The following STIM2 variants were observed in gnomAD, a reference collection of about 807,000 sequenced individuals.
STIM2 encodes the protein stromal interaction molecule 2.
Under a neutral mutation model 85.8 loss-of-function variants are expected in STIM2, and 31 were observed. That is an observed-to-expected ratio of 0.36 (90% CI 0.27 to 0.49). The LOEUF is 0.49. Among genes scored for constraint, STIM2 ranks in the 20% least tolerant of loss-of-function variants. The pLI is 0.98. For synonymous variants in STIM2, 356 were observed against 331.1 expected (o/e 1.08, Z -0.82); for missense variants, 841 against 927.6 (o/e 0.91, Z 1.21).
intron 3 of STIM2, among the ~76,000 whole-genome samples, chr4:26,980,989 G>T (rs1560228603): frequency 6.6e-6 from 1 of 152,244 alleles, no homozygotes; most frequent in South Asian, 2.1e-4. Flanking sequence ...TGAATATCCA[G>T]CAACAAGTAA....
intron 1 of STIM2, among the ~76,000 whole-genome samples, chr4:26,908,170 G>T (rs1724199211): frequency 6.6e-6 from 1 of 152,156 alleles, no homozygotes; most frequent in African/African-American, 2.4e-5. Context: ...ATACTTCTGG[G>T]AAGTGATAGC....
chr4:26,997,430 A>G (rs769752709), intron 4 of STIM2, among the ~76,000 whole-genome samples: 1 of 152,178 alleles, frequency 6.6e-6, no homozygotes, highest in Non-Finnish European at 1.5e-5. Context: ...ACTGCCAAAC[A>G]TTATACTAAG....
At chr4:26,936,291 C>A (rs1725389445) in intron 2 of STIM2, among the ~76,000 whole-genome samples, 1 of 152,158 alleles carries the variant, frequency 6.6e-6, no homozygotes, top group South Asian at 2.1e-4. Context: ...TCTTCTCTGT[C>A]TCTTGCTTTT....
At position 26,861,306 on chromosome 4, in the gene STIM2, T is replaced by A; in HGVS notation, c.88T>A (p.Ser30Thr). 9.8e-6 allele frequency: 14 copies of A among 1,431,776 alleles called. No individual in the cohort carries two copies. Among genetic ancestry groups the A allele is most frequent in the African/African-American group, 1.5e-5 (1 of 67,342 alleles). 88.7% of individuals were successfully genotyped at this position (1,431,776 alleles called of 1,614,324 possible). Residue 30 changes from serine (S) to threonine (T), a missense_variant, in exon 1 of 12, where the codon TCT (serine) becomes ACT (threonine). Transcript: ENST00000467087. Reference sequence around the variant, plus strand: ...CCTCCGCGGGCGGCGGGCGACTGGCTCTGCCGCAACTGCCGCCTCCTCTCC... The same window carrying A: ...CCTCCGCGGGCGGCGGGCGACTGGCACTGCCGCAACTGCCGCCTCCTCTCC...
intron 3 of STIM2, among the ~76,000 whole-genome samples, chr4:26,979,926 C>T (rs1235435113): frequency 6.6e-6 from 1 of 151,906 alleles, no homozygotes; most frequent in Non-Finnish European, 1.5e-5. Flanking sequence ...TTCTATTTTT[C>T]TTTTTTATTT....
At chr4:26,868,287 T>G (rs1722478110) in intron 1 of STIM2, among the ~76,000 whole-genome samples, 1 of 152,222 alleles carries the variant, frequency 6.6e-6, no homozygotes. Context: ...TGTTTCTTTT[T>G]GCGTATGGAT....
intron 10 of STIM2, among the ~76,000 whole-genome samples, chr4:27,013,315 CTTT>C (rs939363453): frequency 1.6e-4 from 24 of 151,708 alleles, no homozygotes; most frequent in Non-Finnish European, 2.9e-5. Flanking sequence ...TATAATTGTT[CTTT>C]TTTATTATCT....
chr4:26,935,965 C>T (rs1233331896), intron 2 of STIM2, among the ~76,000 whole-genome samples: 4 of 152,006 alleles, frequency 2.6e-5, no homozygotes, highest in Admixed American at 2.6e-4. Flanking sequence ...TTACTTTTGC[C>T]AAGTTCAACC....
chr4:26,930,685 T>C (rs557241447), intron 2 of STIM2, among the ~76,000 whole-genome samples: 14 of 152,208 alleles, frequency 9.2e-5, no homozygotes, highest in African/African-American at 3.1e-4. Context: ...CTTAAGAAAA[T>C]AGGCAAAATT....
At chr4:26,890,865 G>C (rs192969173) in intron 1 of STIM2, among the ~76,000 whole-genome samples, 9 of 151,844 alleles carry the variant, frequency 5.9e-5, no homozygotes, top group Middle Eastern at 3.4e-3. Flanking sequence ...TTCCAGAGAG[G>C]ATGGCAGAGC....
intron 3 of STIM2, among the ~76,000 whole-genome samples, chr4:26,989,011 T>A (rs1345666194): frequency 6.6e-6 from 1 of 152,210 alleles, no homozygotes; most frequent in Non-Finnish European, 1.5e-5. Context: ...CTTGGCTCAC[T>A]GCAGCCTCTG....
intron 2 of STIM2, among the ~76,000 whole-genome samples, chr4:26,953,270 T>C (rs1256589344): frequency 6.6e-6 from 1 of 152,206 alleles, no homozygotes; most frequent in Non-Finnish European, 1.5e-5. Flanking sequence ...ATCAGAGTGA[T>C]GCTCATTTAT....
At chr4:26,874,785 A>G (rs991202338) in intron 1 of STIM2, among the ~76,000 whole-genome samples, 3 of 152,188 alleles carry the variant, frequency 2.0e-5, no homozygotes, top group Non-Finnish European at 4.4e-5. Flanking sequence ...TGTGGAGGAT[A>G]TTTATTAAAC....
At chr4:26,987,914 A>G (rs564939526) in intron 3 of STIM2, among the ~76,000 whole-genome samples, 1 of 152,376 alleles carries the variant, frequency 6.6e-6, no homozygotes, top group South Asian at 2.1e-4. Flanking sequence ...TAAATCAGCC[A>G]TCTATATTAG....
rs1182125964 is a variant in STIM2 at position 27,023,405 on chromosome 4, T to C, written c.*409T>C. On this transcript the variant is annotated 3_prime_UTR_variant, in exon 12 of 12. Coordinates refer to ENST00000467087, the MANE Select transcript of STIM2 (RefSeq NM_020860.4). ...ATCTTCTTATCTTTCCACAGAGCTA[T>C]TTACATCCTGGACTATATAACTTAA... 2 of 188,900 alleles carry C rather than the reference T, an allele frequency of 1.1e-5. No individual in the cohort carries two copies. Among genetic ancestry groups the C allele is most frequent in the Non-Finnish European group, 2.2e-5 (2 of 89,076 alleles). 11.7% of individuals were successfully genotyped at this position (188,900 alleles called of 1,614,324 possible).
intron 1 of STIM2, among the ~76,000 whole-genome samples, chr4:26,888,963 A>C (rs141320428): frequency 6.6e-6 from 1 of 152,318 alleles, no homozygotes; most frequent in East Asian, 1.9e-4. Context: ...TGAGGAGTTC[A>C]AAGTGGCCAG....
At chr4:27,019,490 T>C (rs764908216) in intron 11 of STIM2, 58 of 1,289,796 alleles carry the variant, frequency 4.5e-5, no homozygotes, top group Non-Finnish European at 5.8e-5. Context: ...AGAGCTGCAC[T>C]GTCTAATAAA....
intron 3 of STIM2, among the ~76,000 whole-genome samples, chr4:26,964,744 C>A (rs528532041): frequency 6.6e-6 from 1 of 152,120 alleles, no homozygotes; most frequent in Non-Finnish European, 1.5e-5. Context: ...GTTCTCTGTC[C>A]TCCACCCATC....
intron 1 of STIM2, among the ~76,000 whole-genome samples, chr4:26,917,629 A>G (rs1163743867): frequency 6.6e-6 from 1 of 152,040 alleles, no homozygotes; most frequent in East Asian, 1.9e-4. Flanking sequence ...TGTTGCTCCT[A>G]ATTTCTCTTA....
Sources: gnomAD v4.1 joint callset for allele counts (sites outside exome capture counted in the v4.1 genomes callset) on GRCh38, gnomAD v4.1.1 for gene constraint, MANE v1.5 for transcripts, NCBI Gene and HGNC (gene_info 2026-07-23, HGNC 2026-07-21) for gene names.